The following VOPP1 variants were observed in gnomAD, a reference collection of about 807,000 sequenced individuals.
The protein encoded by VOPP1 is VOPP1 WW domain binding protein.
A neutral mutation model predicts 23.5 loss-of-function variants in VOPP1; 8 were observed. The observed-to-expected ratio is 0.34, with a 90% CI of 0.20 to 0.61. The LOEUF (loss-of-function observed/expected upper bound fraction) is 0.61. Ranked by LOEUF, VOPP1 falls within the 20% of genes least tolerant of loss-of-function variation. VOPP1 has a pLI of 0.78. For missense variants in VOPP1, 174 were observed against 238.1 expected (o/e 0.73, Z 1.77); for synonymous variants, 83 against 97.3 (o/e 0.85, Z 0.86).
intron 1 of VOPP1, among the ~76,000 whole-genome samples, chr7:55,548,718 G>A (rs1204727091): frequency 6.6e-6 from 1 of 152,172 alleles, no homozygotes; most frequent in Non-Finnish European, 1.5e-5. Context: ...CCTTGTGCTT[G>A]GGTTTACCAC....
At chr7:55,465,827 GCA>G (rs1177299409), downstream of VOPP1, among the ~76,000 whole-genome samples, 4 of 152,168 alleles carry the variant, frequency 2.6e-5, no homozygotes, top group African/African-American at 7.2e-5. Flanking sequence ...CACCAGCAAT[GCA>G]CAGTTAGGTC....
At chr7:55,530,195 A>C (rs1468822441) in intron 1 of VOPP1, among the ~76,000 whole-genome samples, 1 of 152,298 alleles carries the variant, frequency 6.6e-6, no homozygotes, top group East Asian at 1.9e-4. Flanking sequence ...CAGCTGCACT[A>C]CTTTACATTC....
chr7:55,542,160 TG>T (rs1295085083), intron 1 of VOPP1, among the ~76,000 whole-genome samples: 1 of 152,214 alleles, frequency 6.6e-6, no homozygotes, highest in South Asian at 2.1e-4. Flanking sequence ...TACATATTTA[TG>T]GGCTACACAT....
chr7:55,538,004 C>A (rs1796902949), intron 1 of VOPP1, among the ~76,000 whole-genome samples: 1 of 152,220 alleles, frequency 6.6e-6, no homozygotes, highest in South Asian at 2.1e-4. Flanking sequence ...AGCCCCCATT[C>A]AGCTCACACA....
chr7:55,565,527 G>A (rs192988533), intron 1 of VOPP1, among the ~76,000 whole-genome samples: 79 of 152,212 alleles, frequency 5.2e-4, no homozygotes, highest in African/African-American at 1.6e-3. Context: ...ATGGGACACT[G>A]GATTTTAAAA....
At position 55,488,865 on chromosome 7, in the gene VOPP1, C is replaced by T. The variant is rs551464252; in HGVS notation, c.328+3417G>A. Among the ~76,000 whole-genome samples, 302 of 152,376 alleles carry T rather than the reference C, an allele frequency of 2.0e-3. 2 individuals are homozygous for T. The highest frequency in any genetic ancestry group is 0.012 in the South Asian group (56 of 4,832). On this transcript the variant is annotated intron_variant, in intron 4 of 4. Coordinates refer to ENST00000285279, the MANE Select transcript of VOPP1 (RefSeq NM_030796.5). ...GATGCCTGCACACCTTGGCACTGCC[C>T]GGACAGCCTCAGGCATGACATTTAC...
At chr7:55,512,341 G>A (rs1000795309) in intron 2 of VOPP1, among the ~76,000 whole-genome samples, 19 of 152,042 alleles carry the variant, frequency 1.2e-4, no homozygotes, top group African/African-American at 4.1e-4. Flanking sequence ...CAGGAGAGTC[G>A]CCTGGACCTG....
chr7:55,542,302 A>G (rs1457187493), intron 1 of VOPP1, among the ~76,000 whole-genome samples: 1 of 152,218 alleles, frequency 6.6e-6, no homozygotes, highest in South Asian at 2.1e-4. Context: ...TTTGAAATAT[A>G]TAATTAATTT....
intron 1 of VOPP1, among the ~76,000 whole-genome samples, chr7:55,564,237 G>GTCTCTGTCTCTCTC (rs1798081252): frequency 3.5e-5 from 1 of 28,196 alleles, no homozygotes; most frequent in African/African-American, 7.6e-5. Flanking sequence ...CTTTCTCTCT[G>GTCTCTGTCTCTCTC]TCTCTGTCTC....
At chr7:55,522,776 G>T (rs1446182550) in intron 1 of VOPP1, among the ~76,000 whole-genome samples, 1 of 152,208 alleles carries the variant, frequency 6.6e-6, no homozygotes, top group South Asian at 2.1e-4. Flanking sequence ...AGAGCCAGGT[G>T]CAAAGGGCTG....
intron 1 of VOPP1, chr7:55,538,542 G>A (rs944687521): frequency 1.2e-5 from 17 of 1,410,928 alleles, no homozygotes; most frequent in Middle Eastern, 1.7e-4. Context: ...GGATTCCACA[G>A]TCCAACTGAG....
intron 1 of VOPP1, among the ~76,000 whole-genome samples, chr7:55,541,490 T>C (rs761188817): frequency 3.3e-5 from 5 of 152,220 alleles, no homozygotes; most frequent in Non-Finnish European, 7.3e-5. Context: ...TGTGGAACAT[T>C]TGACCCCTCA....
chr7:55,571,834 C>CA (rs1418403286), intron 1 of VOPP1: 1 of 160,540 alleles, frequency 6.2e-6, no homozygotes, highest in Non-Finnish European at 1.4e-5. Context: ...CCCGGCTCGG[C>CA]ACCCATCCTT....
chr7:55,565,315 A>G (rs188016903), intron 1 of VOPP1, among the ~76,000 whole-genome samples: 2 of 152,354 alleles, frequency 1.3e-5, no homozygotes, highest in Admixed American at 6.5e-5. Flanking sequence ...AGGACAGATC[A>G]TCAAACACTT....
intron 1 of VOPP1, among the ~76,000 whole-genome samples, chr7:55,559,725 T>C (rs914046192): frequency 6.6e-6 from 1 of 152,046 alleles, no homozygotes; most frequent in African/African-American, 2.4e-5. Context: ...ACTCAAAGCA[T>C]AAAACAGACC....
chr7:55,443,676 C>T (rs1475014938), intron 4 of VOPP1, among the ~76,000 whole-genome samples: 3 of 132,162 alleles, frequency 2.3e-5, no homozygotes, highest in African/African-American at 8.5e-5. Context: ...CGGAGTTTTG[C>T]TCTTATCACC....
intron 1 of VOPP1, among the ~76,000 whole-genome samples, chr7:55,547,092 C>T (rs1436960687): frequency 6.6e-6 from 1 of 152,202 alleles, no homozygotes; most frequent in African/African-American, 2.4e-5. Context: ...TTAGCAGCCC[C>T]AGGTCAGCTG....
At chr7:55,514,435 T>C (rs1055073742) in intron 2 of VOPP1, among the ~76,000 whole-genome samples, 7 of 152,186 alleles carry the variant, frequency 4.6e-5, no homozygotes, top group African/African-American at 1.7e-4. Context: ...GACGATCTCT[T>C]GAACTCCAGC....
At chr7:55,446,583 C>G (rs537269359) in intron 4 of VOPP1, among the ~76,000 whole-genome samples, 1 of 152,130 alleles carries the variant, frequency 6.6e-6, no homozygotes, top group Non-Finnish European at 1.5e-5. Context: ...GAAACCACAC[C>G]CATAGAGGTT....
Sources: allele counts gnomAD v4.1 joint callset (sites outside exome capture counted in the v4.1 genomes callset), GRCh38; gene constraint gnomAD v4.1.1; transcripts MANE v1.5; gene names NCBI Gene and HGNC (gene_info 2026-07-23, HGNC 2026-07-21).